The following LIMCH1 variants were observed in gnomAD, a reference collection of about 807,000 sequenced individuals.
LIMCH1 encodes the protein LIM and calponin homology domains 1.
In LIMCH1, 113 loss-of-function variants were observed where a neutral mutation model predicts 176.5. The ratio of observed to expected loss-of-function variants is 0.64; its 90% CI spans 0.55 to 0.75. The LOEUF (loss-of-function observed/expected upper bound fraction) is 0.75, where lower values mean the gene tolerates loss of function less well. LIMCH1 is among the 30% of genes least tolerant of loss of function. LIMCH1 has a pLI of 0.00. For missense variants in LIMCH1, 1,674 were observed against 1,814.9 expected (o/e 0.92, Z 1.41); for synonymous variants, 619 against 645.9 (o/e 0.96, Z 0.63).
chr4:41,391,139 C>T (rs1284072887), intron 1 of LIMCH1, among the ~76,000 whole-genome samples: 1 of 152,132 alleles, frequency 6.6e-6, no homozygotes, highest in Non-Finnish European at 1.5e-5. Flanking sequence ...GGATCACTGC[C>T]AAGGATATAG....
In LIMCH1 at chr4:41,446,345, C is replaced by T. The variant is rs7700214; in HGVS notation, c.97-48191C>T. 3.6e-3 allele frequency among the ~76,000 whole-genome samples: 544 copies of T among 152,092 alleles called. 3 individuals are homozygous for T. The highest frequency in any genetic ancestry group is 0.012 in the African/African-American group (501 of 41,470). ...TGAAACCTCTGAGTCTATTAGTGTC[C>T]GACAAAAGTGTTTGTTAAAATAGAT... On this transcript the variant is annotated intron_variant, in intron 1 of 26. Coordinates refer to the LIMCH1 transcript ENST00000313860.
At chr4:41,378,297 C>T (rs976080039) in intron 1 of LIMCH1, among the ~76,000 whole-genome samples, 6 of 152,156 alleles carry the variant, frequency 3.9e-5, no homozygotes, top group South Asian at 2.1e-4. Flanking sequence ...CAGCCTGAAT[C>T]GCAAACTTGG....
rs112951916 is a variant in LIMCH1, at chr4:41,580,079, T to C, written c.-240-18841T>C. 4.0e-3 allele frequency among the ~76,000 whole-genome samples: 613 copies of C among 152,300 alleles called. 8 individuals are homozygous for C. Among genetic ancestry groups the C allele is most frequent in the African/African-American group, 0.014 (591 of 41,562 alleles). On this transcript the variant is annotated intron_variant, in intron 1 of 31. Coordinates refer to ENST00000503057, the MANE Select transcript of LIMCH1 (RefSeq NM_001330672.2). ...ACACAGGGTAACTGAGTTCCAGGCC[T>C]ATGCATGGAGGAGACAGGATTTTAA...
chr4:41,661,547 T>C (rs1445079130), intron 19 of LIMCH1, 37 bp downstream of exon 19: 2 of 1,351,064 alleles, frequency 1.5e-6, no homozygotes, highest in African/African-American at 2.9e-5. Flanking sequence ...AGGCAAATCA[T>C]GGTAACTGTT....
rs375254933 is a variant in LIMCH1 at position 41,369,711 on chromosome 4, T to C, written c.96+8775T>C. On this transcript the variant is annotated intron_variant, in intron 1 of 26. Transcript: ENST00000313860. The stretch of plus-strand genomic sequence containing the variant: ...TGTGTGTGTGGTGGGGGGATTTGCC[T>C]CCTTTGGTGAACCCCAGAGCCCTGT... Among the ~76,000 whole-genome samples, 6 of 151,664 alleles carry C rather than the reference T, an allele frequency of 4.0e-5. No individual in the cohort carries two copies. In the East Asian group the frequency reaches 1.2e-3, roughly 29 times the overall value.
At chr4:41,691,988 C>G (rs1019673128) in intron 30 of LIMCH1, among the ~76,000 whole-genome samples, 3 of 152,142 alleles carry the variant, frequency 2.0e-5, no homozygotes, top group African/African-American at 7.2e-5. Context: ...AGACGCTAGG[C>G]TTTGGAGTCA....
chr4:41,652,726 A>C (rs1165785536), intron 18 of LIMCH1, among the ~76,000 whole-genome samples: 1 of 152,190 alleles, frequency 6.6e-6, no homozygotes, highest in Non-Finnish European at 1.5e-5. Context: ...CATTGATTAC[A>C]TATCCCCCAA....
At chr4:41,388,771 TA>T (rs1165896132) in intron 1 of LIMCH1, among the ~76,000 whole-genome samples, 1 of 152,084 alleles carries the variant, frequency 6.6e-6, no homozygotes. Context: ...GCTTCCCGAG[TA>T]GCTGGGATTA....
intron 1 of LIMCH1, among the ~76,000 whole-genome samples, chr4:41,378,800 G>T (rs2055175491): frequency 6.6e-6 from 1 of 152,216 alleles, no homozygotes; most frequent in African/African-American, 2.4e-5. Flanking sequence ...AGGAACAAAA[G>T]ATTGTAGTAG....
At chr4:41,416,267 A>G (rs1287640645) in intron 1 of LIMCH1, among the ~76,000 whole-genome samples, 2 of 152,220 alleles carry the variant, frequency 1.3e-5, no homozygotes, top group East Asian at 3.8e-4. Context: ...ATGCCAGGCA[A>G]TAGAAGATTT....
chr4:41,402,838 AG>A (rs977627482), intron 1 of LIMCH1, among the ~76,000 whole-genome samples: 5 of 93,536 alleles, frequency 5.3e-5, no homozygotes, highest in African/African-American at 2.0e-4. Context: ...GGGTGGGGGG[AG>A]GGGGGAGGAA....
At position 41,623,054 on chromosome 4, in the gene LIMCH1, G is replaced by T. The variant is rs1044149086; in HGVS notation, c.725+2364G>T. On this transcript the variant is annotated intron_variant, in intron 7 of 31. Coordinates refer to ENST00000503057, the MANE Select transcript of LIMCH1 (RefSeq NM_001330672.2). ...ACCAGCCTGGCATGTCTACGTCTTT[G>T]TCACTTACTTTTTTGCATGCCACAA... 9.2e-4 allele frequency among the ~76,000 whole-genome samples: 140 copies of T among 152,210 alleles called. 1 individual carries two copies. Among genetic ancestry groups the T allele is most frequent in the African/African-American group, 3.2e-3 (131 of 41,526 alleles).
At chr4:41,422,772 C>A (rs1191796350) in intron 1 of LIMCH1, among the ~76,000 whole-genome samples, 1 of 151,270 alleles carries the variant, frequency 6.6e-6, no homozygotes, top group Non-Finnish European at 1.5e-5. Context: ...TTTATTTTTT[C>A]TTTGATAAAG....
At chr4:41,636,137 C>G (rs934607886) in intron 13 of LIMCH1, among the ~76,000 whole-genome samples, 3 of 151,988 alleles carry the variant, frequency 2.0e-5, no homozygotes, top group Admixed American at 2.0e-4. Context: ...TCTCAAACTC[C>G]TGGCCTCAAG....
chr4:41,487,682 G>A (rs535430150), intron 1 of LIMCH1, among the ~76,000 whole-genome samples: 126 of 129,814 alleles, frequency 9.7e-4, no homozygotes, highest in Non-Finnish European at 1.6e-3. Context: ...TTTTTGAGAC[G>A]GAGTCTCGCT....
At chr4:41,687,683 TAA>T (rs796360321) in intron 28 of LIMCH1, among the ~76,000 whole-genome samples, 155 bp from the exon 29 acceptor site, 2 of 147,698 alleles carry the variant, frequency 1.4e-5, no homozygotes. Flanking sequence ...TTTTGTTCAT[TAA>T]AAAAAAAAAT....
chr4:41,579,934 C>A (rs985605510), intron 1 of LIMCH1, among the ~76,000 whole-genome samples: 1 of 152,140 alleles, frequency 6.6e-6, no homozygotes, highest in African/African-American at 2.4e-5. Context: ...TTTTTAAGGG[C>A]AGTATTTCAA....
chr4:41,437,126 A>C (rs2062164691), intron 1 of LIMCH1, among the ~76,000 whole-genome samples: 1 of 152,174 alleles, frequency 6.6e-6, no homozygotes, highest in Admixed American at 6.5e-5. Flanking sequence ...CAAAACACCA[A>C]CCTATTTGTG....
chr4:41,469,189 A>G lies in LIMCH1; in HGVS notation c.97-25347A>G, dbSNP rs141756283. 4.1e-3 allele frequency among the ~76,000 whole-genome samples: 618 copies of G among 152,172 alleles called. 3 individuals are homozygous for G. Among genetic ancestry groups the G allele is most frequent in the Non-Finnish European group, 7.3e-3 (493 of 67,996 alleles). On this transcript the variant is annotated intron_variant, in intron 1 of 26. Coordinates refer to the LIMCH1 transcript ENST00000313860. ...CCGGACACTGATGTTTTTAAAGCCT[A>G]CCTCCCACAACAGTTGAAATAAAGC... is the stretch of plus-strand genomic sequence containing the variant.
Sources: gnomAD v4.1 joint callset for allele counts (sites outside exome capture counted in the v4.1 genomes callset) on GRCh38, gnomAD v4.1.1 for gene constraint, MANE v1.5 for transcripts, NCBI Gene and HGNC (gene_info 2026-07-23, HGNC 2026-07-21) for gene names.